EED: variants seen among roughly 807,000 people sequenced by gnomAD.
EED encodes the protein polycomb protein EED.
EED carries 9 observed loss-of-function variants against 61.0 expected under a neutral mutation model. The observed-to-expected ratio is 0.15, with a 90% CI of 0.09 to 0.26. The LOEUF (loss-of-function observed/expected upper bound fraction) is 0.26. Ranked by LOEUF, EED falls within the 10% of genes least tolerant of loss-of-function variation. EED has a pLI of 1.00. For synonymous variants in EED, 187 were observed against 174.4 expected (o/e 1.07, Z -0.57); for missense variants, 315 against 542.3 (o/e 0.58, Z 4.16).
downstream of EED, among the ~76,000 whole-genome samples, chr11:86,283,643 T>C (rs1023453475): frequency 5.3e-5 from 8 of 152,108 alleles, no homozygotes; most frequent in African/African-American, 7.2e-5. Flanking sequence ...CAAATAGAAC[T>C]TTTACAAATG....
chr11:86,286,258 C>T, the EED span, among the ~76,000 whole-genome samples: 1 of 151,166 alleles, frequency 6.6e-6, no homozygotes, highest in Non-Finnish European at 1.5e-5. Context: ...CCAGGCTGGT[C>T]TGGAACTCCT....
rs966295837 is a variant in EED, at chr11:86,252,540, C to G, written c.360+300C>G. Among the ~76,000 whole-genome samples, 15 of 119,794 alleles carry G rather than the reference C, an allele frequency of 1.3e-4. No homozygotes were observed. The South Asian group carries it at 3.7e-3, about 29-fold the overall frequency. The allele number at this position is 119,794 out of a possible 152,430, so 78.6% of individuals were successfully genotyped here. A position where few individuals can be genotyped will look rare whatever the true frequency, so the allele number is the denominator to read the frequency against. ...TTTTTTTTTTTTTTTAATTGGCGTTCTTTTTAAAGTGATTTTGGTATTTAT... is the reference window on the plus strand; with the variant it reads ...TTTTTTTTTTTTTTTAATTGGCGTTGTTTTTAAAGTGATTTTGGTATTTAT... On this transcript the variant is annotated intron_variant, in intron 3 of 11. Transcript: ENST00000263360.
chr11:86,259,816 T>C (rs1045061443), intron 6 of EED, among the ~76,000 whole-genome samples: 9 of 152,194 alleles, frequency 5.9e-5, no homozygotes, highest in African/African-American at 2.2e-4. Flanking sequence ...TCACACCTAC[T>C]TAGGGTGGCT....
intron 6 of EED, 76 bp downstream of exon 6, chr11:86,257,672 C>A: frequency 8.2e-7 from 1 of 1,216,820 alleles, no homozygotes; most frequent in Non-Finnish European, 1.2e-6. Flanking sequence ...CAAGAAAACC[C>A]TGACAAATAG....
At chr11:86,282,819 A>G (rs376071644), downstream of EED, among the ~76,000 whole-genome samples, 1 of 152,284 alleles carries the variant, frequency 6.6e-6, no homozygotes, top group Non-Finnish European at 1.5e-5. Context: ...CTGTGTACCA[A>G]TAAAACTTTA....
chr11:86,256,594 A>G, intron 5 of EED, 82 bp downstream of exon 5: 1 of 1,282,834 alleles, frequency 7.8e-7, no homozygotes, highest in South Asian at 2.0e-5. Context: ...TTTAAAACTA[A>G]TGGTATGAAT....
chr11:86,282,906 G>C (rs1476585993), downstream of EED, among the ~76,000 whole-genome samples: 1 of 152,112 alleles, frequency 6.6e-6, no homozygotes, highest in Non-Finnish European at 1.5e-5. Context: ...AAGGTGGACA[G>C]ATTGCTTGAC....
In EED at chr11:86,278,034, T is replaced by G. The variant is rs780800673; in HGVS notation, c.1199+43T>G. 2.0e-6 allele frequency: 3 copies of G among 1,482,392 alleles called. 1 individual carries two copies. In the South Asian group the frequency reaches 4.5e-5, roughly 22 times the overall value. 91.8% of individuals were successfully genotyped at this position (1,482,392 alleles called of 1,614,324 possible). ...TCTGTTCAAAATTTCAGGCTTTTTC[T>G]CCACACTTGTATGCCAATGTAGAGA... On this transcript the variant is annotated intron_variant, in intron 11 of 11. Coordinates refer to ENST00000263360, the MANE Select transcript of EED (RefSeq NM_003797.5).
chr11:86,271,443 G>C (rs1044719111), intron 9 of EED, among the ~76,000 whole-genome samples: 1 of 152,120 alleles, frequency 6.6e-6, no homozygotes, highest in Non-Finnish European at 1.5e-5. Context: ...ACTATCATGT[G>C]ATCTGCAAAT....
At chr11:86,282,361 T>C (rs1291214813), downstream of EED, among the ~76,000 whole-genome samples, 1 of 152,266 alleles carries the variant, frequency 6.6e-6, no homozygotes, top group Non-Finnish European at 1.5e-5. Flanking sequence ...ATATATTGTT[T>C]ATATGCTGCA....
At chr11:86,284,921 G>A in the EED span, among the ~76,000 whole-genome samples, 1 of 151,716 alleles carries the variant, frequency 6.6e-6, no homozygotes, top group Non-Finnish European at 1.5e-5. Context: ...AGACAGCCTG[G>A]CCAACATGGT....
In EED at chr11:86,268,477, C is replaced by A. The variant is rs1446071248; in HGVS notation, c.882C>A (p.Ile294=). Residue 294 remains isoleucine (I), a synonymous_variant, in exon 9 of 12, where the codon ATC becomes ATA. Coordinates refer to ENST00000263360, the MANE Select transcript of EED (RefSeq NM_003797.5). ...TCAGGCCATTTATTTCTCAGAAAAT[C>A]CATTTTCCTGATTTTTCTACCAGAG... is the stretch of plus-strand genomic sequence containing the variant. ...KTNRPFISQK[I]HFPDFSTRDI... The A allele has an allele frequency of 1.3e-6, 2 of 1,599,136 alleles. No individual in the cohort carries two copies. Among genetic ancestry groups the A allele is most frequent in the Admixed American group, 1.7e-5 (1 of 58,166 alleles).
intron 8 of EED, chr11:86,268,006 T>A (rs1213307155): frequency 6.6e-6 from 1 of 151,380 alleles, no homozygotes; most frequent in Non-Finnish European, 1.5e-5. Flanking sequence ...TGATGTTTAG[T>A]TGTTCCTGGA....
At chr11:86,245,416 G>A in intron 1 of EED, 73 bp downstream of exon 1, 1 of 1,305,858 alleles carries the variant, frequency 7.7e-7, no homozygotes, top group Non-Finnish European at 1.1e-6. Flanking sequence ...GGGGGCGCGG[G>A]GACGAGCGGG....
At chr11:86,272,479 A>G (rs183845964) in intron 9 of EED, among the ~76,000 whole-genome samples, 26 of 152,334 alleles carry the variant, frequency 1.7e-4, no homozygotes, top group Non-Finnish European at 3.8e-4. Flanking sequence ...CTTGAAAAGA[A>G]TATGTACTCT....
chr11:86,249,136 A>G (rs1293066288), intron 1 of EED, among the ~76,000 whole-genome samples: 1 of 152,240 alleles, frequency 6.6e-6, no homozygotes, highest in Non-Finnish European at 1.5e-5. Flanking sequence ...TAATTATGTG[A>G]ATACAACTGA....
Position 86,256,479 on chromosome 11 carries a change from G to A in EED, c.519G>A (p.Arg173=). 4 of 1,611,634 alleles carry A rather than the reference G, an allele frequency of 2.5e-6. No homozygotes were observed. The highest frequency in any genetic ancestry group is 3.4e-6 in the Non-Finnish European group (4 of 1,178,376). ...TAGCTGGATCTAGAGGCATAATTAG[G>A]ATAATAAATCCTATAACAATGCAGT... The part of the protein sequence containing the change: ...LAVAGSRGII[R]IINPITMQCI... The change falls in exon 5 of 12, where the codon AGG becomes AGA. Residue 173 remains arginine (R), a synonymous_variant. Coordinates refer to ENST00000263360, the MANE Select transcript of EED (RefSeq NM_003797.5).
At chr11:86,250,170 A>G in intron 1 of EED, 126 bp from the exon 2 acceptor site, 2 of 836,916 alleles carry the variant, frequency 2.4e-6, no homozygotes, top group Non-Finnish European at 3.4e-6. Flanking sequence ...TGGAGGCAAG[A>G]ATACATTTTT....
intron 9 of EED, chr11:86,270,185 G>C (rs1253577053): frequency 7.2e-6 from 5 of 697,990 alleles, no homozygotes; most frequent in Non-Finnish European, 1.3e-5. Flanking sequence ...TATTTTAGCT[G>C]TTCTGATAGG....
Sources: allele counts gnomAD v4.1 joint callset (sites outside exome capture counted in the v4.1 genomes callset), GRCh38; gene constraint gnomAD v4.1.1; transcripts MANE v1.5; gene names NCBI Gene and HGNC (gene_info 2026-07-23, HGNC 2026-07-21).